Variants in MSI2 observed in about 807,000 individuals in gnomAD.
MSI2 encodes musashi RNA binding protein 2, also known as RNA-binding protein Musashi homolog 2.
Under a neutral mutation model 45.6 loss-of-function variants are expected in MSI2, and 17 were observed. The ratio of observed to expected loss-of-function variants is 0.37; its 90% CI spans 0.26 to 0.56. The LOEUF is 0.56. Ranked by LOEUF, MSI2 falls within the 20% of genes least tolerant of loss-of-function variation. The pLI, the probability that MSI2 is intolerant of heterozygous loss-of-function variation, is 0.77. For missense variants in MSI2, 293 were observed against 444.2 expected (o/e 0.66, Z 3.06); for synonymous variants, 156 against 158.2 (o/e 0.99, Z 0.11).
chr17:57,499,909 A>G (rs1048889240), intron 6 of MSI2, among the ~76,000 whole-genome samples: 4 of 152,096 alleles, frequency 2.6e-5, no homozygotes, highest in East Asian at 1.9e-4. Flanking sequence ...CTGGAGCACA[A>G]ATGTTTCCAC....
intron 11 of MSI2, among the ~76,000 whole-genome samples, chr17:57,673,072 C>T (rs1408093537): frequency 2.6e-5 from 4 of 152,230 alleles, no homozygotes; most frequent in African/African-American, 7.2e-5. Flanking sequence ...TCGGGCTTCC[C>T]GCCCCAAGGG....
At chr17:57,377,668 C>G (rs1435806212) in intron 5 of MSI2, among the ~76,000 whole-genome samples, 2 of 152,144 alleles carry the variant, frequency 1.3e-5, no homozygotes, top group East Asian at 1.9e-4. Context: ...CATTTGTTCC[C>G]CCTTGCTCTT....
At chr17:57,313,859 A>C (rs917774363) in intron 5 of MSI2, among the ~76,000 whole-genome samples, 2 of 152,202 alleles carry the variant, frequency 1.3e-5, no homozygotes, top group Admixed American at 1.3e-4. Context: ...ATGACCAAAG[A>C]GGCGGGCCTG....
intron 5 of MSI2, among the ~76,000 whole-genome samples, chr17:57,374,283 T>G (rs1772207878): frequency 6.6e-6 from 1 of 152,208 alleles, no homozygotes; most frequent in Non-Finnish European, 1.5e-5. Context: ...ATGTGGTAGT[T>G]TATACTTAAT....
chr17:57,531,693 T>G (rs1438314724), intron 7 of MSI2: 1 of 152,262 alleles, frequency 6.6e-6, no homozygotes, highest in Non-Finnish European at 1.5e-5. Context: ...TTTGATCTGC[T>G]GTGTGTCAAG....
Position 57,298,553 on chromosome 17 carries a change from C to T in MSI2, c.312+36361C>T, listed in dbSNP as rs137929047. 8.0e-3 allele frequency among the ~76,000 whole-genome samples: 1,213 copies of T among 152,142 alleles called. 14 individuals are homozygous for T. Among genetic ancestry groups the T allele is most frequent in the African/African-American group, 0.028 (1,145 of 41,480 alleles). On this transcript the variant is annotated intron_variant, in intron 5 of 13. Transcript: ENST00000284073. ...GCACATGCTTGTAATCCCAGCTACT[C>T]GGGAGGCTGAGGCAGGAGAATTGCC... is the stretch of plus-strand genomic sequence containing the variant.
At position 57,684,660 on chromosome 17, in the gene MSI2, AAT is replaced by A. The variant is rs1913815591; in HGVS notation, c.*5145_*5146del. The A allele has an allele frequency of 6.4e-6, 1 of 157,406 alleles. No individual in the cohort carries two copies. The highest frequency in any genetic ancestry group is 1.4e-5 in the Non-Finnish European group (1 of 71,034). 9.8% of individuals were successfully genotyped at this position (157,406 alleles called of 1,614,324 possible). A position where few individuals can be genotyped will look rare whatever the true frequency, so the allele number is the denominator to read the frequency against. ...AATGTGTTTGTCTGACAAAAAAAAA[AAT>A]AAAATAAAATAAACTGTTTTGAACA... On this transcript the variant is annotated 3_prime_UTR_variant, in exon 14 of 14. Coordinates refer to ENST00000284073, the MANE Select transcript of MSI2 (RefSeq NM_138962.4).
At chr17:57,292,429 G>A (rs988170798) in intron 5 of MSI2, among the ~76,000 whole-genome samples, 1 of 152,194 alleles carries the variant, frequency 6.6e-6, no homozygotes, top group African/African-American at 2.4e-5. Flanking sequence ...GAAAGGAGGA[G>A]GGGTGAGAGG....
chr17:57,327,822 C>T (rs1913931519), intron 5 of MSI2, among the ~76,000 whole-genome samples: 1 of 152,082 alleles, frequency 6.6e-6, no homozygotes, highest in South Asian at 2.1e-4. Flanking sequence ...TCAGGCTCAG[C>T]CTTCTGTTCA....
intron 6 of MSI2, among the ~76,000 whole-genome samples, chr17:57,427,530 G>A (rs543903065): frequency 1.4e-4 from 21 of 152,164 alleles, no homozygotes; most frequent in Non-Finnish European, 2.2e-4. Flanking sequence ...CTTCTCTCCC[G>A]CTGATGAATG....
intron 9 of MSI2, among the ~76,000 whole-genome samples, chr17:57,619,324 G>A (rs1171278925): frequency 6.6e-6 from 1 of 152,254 alleles, no homozygotes; most frequent in Non-Finnish European, 1.5e-5. Flanking sequence ...TGCTTCACAA[G>A]CAGATGTGCT....
rs184756337 is a variant in MSI2 at position 57,289,076 on chromosome 17, A to G, written c.312+26884A>G. On this transcript the variant is annotated intron_variant, in intron 5 of 13. Coordinates refer to ENST00000284073, the MANE Select transcript of MSI2 (RefSeq NM_138962.4). The stretch of plus-strand genomic sequence containing the variant: ...TTTTCTGAGGTTCTGTTCTGCATGG[A>G]TTGGAACCTGGACAATGAAATATTC... Among the ~76,000 whole-genome samples the G allele has an allele frequency of 2.1e-3, 318 of 152,314 alleles. 1 individual carries two copies. Among genetic ancestry groups the G allele is most frequent in the Non-Finnish European group, 3.6e-3 (247 of 68,032 alleles).
chr17:57,646,519 A>T (rs1910673353), intron 10 of MSI2, among the ~76,000 whole-genome samples: 1 of 152,214 alleles, frequency 6.6e-6, no homozygotes, highest in South Asian at 2.1e-4. Context: ...GCAAGGTCTG[A>T]GATGAAGGGA....
intron 6 of MSI2, among the ~76,000 whole-genome samples, chr17:57,419,602 G>A (rs943614253): frequency 6.6e-6 from 1 of 150,800 alleles, no homozygotes; most frequent in South Asian, 2.1e-4. Flanking sequence ...TCGAACTCCT[G>A]ACCTCAGGTG....
chr17:57,671,244 C>T (rs1912749721), intron 11 of MSI2, among the ~76,000 whole-genome samples: 1 of 152,216 alleles, frequency 6.6e-6, no homozygotes, highest in South Asian at 2.1e-4. Flanking sequence ...ATAGCTCCTG[C>T]TGCAAAAATG....
the MSI2 span, among the ~76,000 whole-genome samples, chr17:57,698,135 T>C: frequency 1.3e-5 from 2 of 152,172 alleles, no homozygotes; most frequent in African/African-American, 4.8e-5. Context: ...CAAGGCTCTC[T>C]TCCTCACTCA....
chr17:57,297,637 G>A (rs778540454), intron 5 of MSI2, among the ~76,000 whole-genome samples: 3 of 152,172 alleles, frequency 2.0e-5, no homozygotes, highest in East Asian at 3.9e-4. Flanking sequence ...TTCCTTTCAC[G>A]AAATATTTCT....
Position 57,407,470 on chromosome 17 carries a change from T to G in MSI2, c.405+5999T>G, listed in dbSNP as rs1258976445. Among the ~76,000 whole-genome samples, 1 of 152,156 alleles carries G rather than the reference T, an allele frequency of 6.6e-6. No individual in the cohort carries two copies. The highest frequency in any genetic ancestry group is 1.5e-5 in the Non-Finnish European group (1 of 68,022). ...GATCCTCAGGTAGTGTTTTCTTGCT[T>G]TAAATGTGTGTCGTAGATAAACAGA... On this transcript the variant is annotated intron_variant, in intron 6 of 13. Coordinates refer to ENST00000284073, the MANE Select transcript of MSI2 (RefSeq NM_138962.4). This position sits in a 1 kb window ranked among gnomAD's most constrained non-coding sequence, Gnocchi z 4.1.
rs145498365 is a variant in MSI2 at position 57,596,475 on chromosome 17, C to T, written c.455-393C>T. ...GTCTGGAGGCCGACCCGAGGGCTGG[C>T]CAGGGCTGCTCGCGGAAAGGGCAAG... On this transcript the variant is annotated intron_variant, in intron 7 of 13. Transcript: ENST00000284073. This position sits in a 1 kb window ranked among gnomAD's most constrained non-coding sequence, Gnocchi z 4.6. Among the ~76,000 whole-genome samples, 62 of 152,326 alleles carry T rather than the reference C, an allele frequency of 4.1e-4. 1 individual carries two copies. The East Asian group carries it at 9.0e-3, about 22-fold the overall frequency.
Sources: gnomAD v4.1 joint callset for allele counts (sites outside exome capture counted in the v4.1 genomes callset) on GRCh38, gnomAD v4.1.1 for gene constraint, Gnocchi (gnomAD v3.1) non-coding constraint, MANE v1.5 for transcripts, NCBI Gene and HGNC (gene_info 2026-07-23, HGNC 2026-07-21) for gene names.